Variants in NTRK3 observed in about 807,000 individuals in gnomAD.
NTRK3 encodes the protein neurotrophic receptor tyrosine kinase 3, also known as NT-3 growth factor receptor.
A neutral mutation model predicts 91.7 loss-of-function variants in NTRK3; 24 were observed. The ratio of observed to expected loss-of-function variants is 0.26; its 90% CI spans 0.19 to 0.37. The LOEUF (loss-of-function observed/expected upper bound fraction) is 0.37, where lower values mean the gene tolerates loss of function less well. Among genes scored for constraint, NTRK3 ranks in the 10% least tolerant of loss-of-function variants. The pLI, the probability that NTRK3 is intolerant of heterozygous loss-of-function variation, is 1.00. For synonymous variants in NTRK3, 483 were observed against 404.0 expected, an observed-to-expected ratio of 1.20 and a Z score of -2.34; for missense variants, 880 against 1,068.9, an observed-to-expected ratio of 0.82 and a Z score of 2.46.
chr15:88,182,607 C>T (rs1045231015), intron 5 of NTRK3, among the ~76,000 whole-genome samples: 12 of 152,152 alleles, frequency 7.9e-5, no homozygotes, highest in East Asian at 1.9e-4. Flanking sequence ...AAAGGGTGTC[C>T]GAGATGGCCA....
exon 19 of NTRK3, chr15:87,863,618 T>C (rs990349476): frequency 4.5e-6 from 1 of 221,974 alleles, no homozygotes; most frequent in African/African-American, 2.2e-5. Context: ...GCCAAAGTAC[T>C]GATGTGGTAG....
intron 13 of NTRK3, among the ~76,000 whole-genome samples, chr15:88,107,949 G>C (rs1180631742): frequency 6.6e-6 from 1 of 152,014 alleles, no homozygotes; most frequent in Non-Finnish European, 1.5e-5. Context: ...CCCCAAGGTG[G>C]AGAGCAAGCG....
At position 88,183,493 on chromosome 15, in the gene NTRK3, G is replaced by C. The variant is rs752957891; in HGVS notation, c.324-4C>G. On this transcript the variant is annotated splice_region_variant and splice_polypyrimidine_tract_variant and intron_variant, in intron 4 of 18. Transcript: ENST00000394480. ...AAGTCCTGAGTTCTTGATGGTCCTA[G>C]ACAGAGAGAAAAAGAGGATCAGCAG... 3 of 1,613,952 alleles carry C rather than the reference G, an allele frequency of 1.9e-6. No homozygotes were observed. Among genetic ancestry groups the C allele is most frequent in the Non-Finnish European group, 1.7e-6 (2 of 1,179,834 alleles).
At chr15:88,160,582 C>A (rs1255626543) in intron 5 of NTRK3, among the ~76,000 whole-genome samples, 1 of 152,182 alleles carries the variant, frequency 6.6e-6, no homozygotes, top group Admixed American at 6.5e-5. Context: ...CTTCCTCTGC[C>A]CCACTTCTAG....
At chr15:87,876,024 CTT>C (rs1284546539) in exon 19 of NTRK3, 2 of 232,592 alleles carry the variant, frequency 8.6e-6, no homozygotes, top group Admixed American at 1.1e-4. Context: ...GCCAAGGAAT[CTT>C]TGCAATGATG....
At chr15:88,163,771 C>T (rs2044681175) in intron 5 of NTRK3, among the ~76,000 whole-genome samples, 1 of 152,168 alleles carries the variant, frequency 6.6e-6, no homozygotes, top group Non-Finnish European at 1.5e-5. Context: ...ACCACACATT[C>T]TGGTCTGCCC....
intron 14 of NTRK3, among the ~76,000 whole-genome samples, chr15:87,941,684 C>T (rs934489862): frequency 2.6e-5 from 4 of 152,184 alleles, no homozygotes; most frequent in Admixed American, 1.3e-4. Flanking sequence ...CATCCAAGAA[C>T]GAGGGTGTGT....
intron 14 of NTRK3, among the ~76,000 whole-genome samples, chr15:87,996,100 C>T (rs530617724): frequency 7.2e-5 from 11 of 152,010 alleles, no homozygotes; most frequent in African/African-American, 2.7e-4. Context: ...AAAAATTAGC[C>T]GGGCATGGTG....
chr15:88,102,969 C>A (rs1003114096), intron 13 of NTRK3, among the ~76,000 whole-genome samples: 1 of 152,114 alleles, frequency 6.6e-6, no homozygotes, highest in East Asian at 1.9e-4. Flanking sequence ...GAAAAACAGC[C>A]TAATAGAAAG....
At chr15:88,213,502 G>T (rs2049444641) in intron 3 of NTRK3, among the ~76,000 whole-genome samples, 1 of 152,150 alleles carries the variant, frequency 6.6e-6, no homozygotes, top group African/African-American at 2.4e-5. Flanking sequence ...GGCCCAGACA[G>T]ACAGACAGAC....
intron 14 of NTRK3, among the ~76,000 whole-genome samples, chr15:88,010,798 C>G (rs1268371312): frequency 1.3e-5 from 2 of 151,780 alleles, no homozygotes; most frequent in East Asian, 3.9e-4. Flanking sequence ...CTAGAAGCAA[C>G]CTGGGAAACA....
chr15:87,988,032 G>T (rs1401280133), intron 14 of NTRK3, among the ~76,000 whole-genome samples: 1 of 152,114 alleles, frequency 6.6e-6, no homozygotes, highest in East Asian at 1.9e-4. Context: ...ACTGTTATTG[G>T]CTTACTTCCA....
chr15:88,033,217 A>ATATATATATATAT (rs2078753442), intron 13 of NTRK3, among the ~76,000 whole-genome samples, 172 bp from the exon 14 acceptor site: 17 of 49,694 alleles, frequency 3.4e-4, no homozygotes, highest in African/African-American at 8.1e-4. Context: ...TATATATATA[A>ATATATATATATAT]ATTCAGTTGT....
At chr15:88,193,274 G>A (rs1027895434) in intron 3 of NTRK3, among the ~76,000 whole-genome samples, 3 of 152,064 alleles carry the variant, frequency 2.0e-5, no homozygotes, top group Non-Finnish European at 2.9e-5. Flanking sequence ...CTGTGGCCCC[G>A]AGCACACCAC....
At chr15:87,922,416 G>A (rs1020140215) in intron 17 of NTRK3, among the ~76,000 whole-genome samples, 2 of 152,104 alleles carry the variant, frequency 1.3e-5, no homozygotes, top group East Asian at 1.9e-4. Flanking sequence ...CTAATGAGGG[G>A]GCTGCCCTCC....
chr15:87,889,275 T>C (rs1487999003), intron 17 of NTRK3, among the ~76,000 whole-genome samples: 1 of 152,166 alleles, frequency 6.6e-6, no homozygotes, highest in Non-Finnish European at 1.5e-5. Context: ...AAAATATAGA[T>C]TCCTAGGCTT....
intron 14 of NTRK3, among the ~76,000 whole-genome samples, chr15:87,970,073 T>C (rs967272600): frequency 2.6e-5 from 4 of 152,178 alleles, no homozygotes; most frequent in African/African-American, 9.7e-5. Context: ...CAGGGTCTTT[T>C]ACATGAGGAT....
chr15:88,118,277 T>C (rs1376171977), intron 13 of NTRK3, among the ~76,000 whole-genome samples: 1 of 152,210 alleles, frequency 6.6e-6, no homozygotes, highest in Non-Finnish European at 1.5e-5. Context: ...TGACAGCTTC[T>C]CATTAGCCAA....
rs1044644123 is a variant in NTRK3, at chr15:88,108,274, C to T, written c.1396+17997G>A. Among the ~76,000 whole-genome samples the T allele has an allele frequency of 7.9e-5, 12 of 152,170 alleles. 1 individual carries two copies. Among genetic ancestry groups the T allele is most frequent in the Admixed American group, 7.2e-4 (11 of 15,280 alleles). On this transcript the variant is annotated intron_variant, in intron 13 of 18. Coordinates refer to ENST00000394480, the Ensembl canonical transcript of NTRK3. ...AATACACTCCTGCCATTTGGAGAAG[C>T]CAAGTATGTGAGTCAGGAAGTAAGA...
Sources: allele counts gnomAD v4.1 joint callset (sites outside exome capture counted in the v4.1 genomes callset), GRCh38; gene constraint gnomAD v4.1.1; transcripts MANE v1.5; gene names NCBI Gene and HGNC (gene_info 2026-07-23, HGNC 2026-07-21).